The following FSHR variants were observed in gnomAD, a reference collection of about 807,000 sequenced individuals.
The protein encoded by FSHR is follicle-stimulating hormone receptor.
In FSHR, 46 loss-of-function variants were observed where a neutral mutation model predicts 52.1. The ratio of observed to expected loss-of-function variants is 0.88; its 90% CI spans 0.70 to 1.13. FSHR has a LOEUF of 1.13. Among genes scored for constraint, FSHR ranks in the 50% most tolerant of loss-of-function variants. The pLI is 0.00. For missense variants in FSHR, 964 were observed against 834.6 expected, an observed-to-expected ratio of 1.16 and a Z score of -1.91; for synonymous variants, 399 against 309.6, an observed-to-expected ratio of 1.29 and a Z score of -3.03.
At chr2:48,981,450 T>G (rs1675244627) in intron 8 of FSHR, among the ~76,000 whole-genome samples, 3 of 152,076 alleles carry the variant, frequency 2.0e-5, no homozygotes, top group Admixed American at 2.0e-4. Flanking sequence ...TTTTGGCCAT[T>G]TTTTTTAGGT....
At chr2:49,126,646 G>C (rs1156714361) in intron 1 of FSHR, among the ~76,000 whole-genome samples, 3 of 152,156 alleles carry the variant, frequency 2.0e-5, no homozygotes, top group African/African-American at 4.8e-5. Flanking sequence ...TGTTTAGTGG[G>C]ATTGGAAGGG....
intron 1 of FSHR, among the ~76,000 whole-genome samples, chr2:49,069,410 T>G (rs1430257715): frequency 1.3e-5 from 2 of 152,162 alleles, no homozygotes; most frequent in African/African-American, 4.8e-5. Context: ...TAACCATCTA[T>G]TTAAAATGAT....
intron 4 of FSHR, among the ~76,000 whole-genome samples, chr2:49,003,597 T>C (rs1258105234): frequency 6.7e-6 from 1 of 148,808 alleles, no homozygotes; most frequent in Non-Finnish European, 1.5e-5. Flanking sequence ...AAAGATAAAG[T>C]AGAAGAGATG....
At chr2:49,063,581 T>C (rs1176262352) in intron 2 of FSHR, among the ~76,000 whole-genome samples, 1 of 152,038 alleles carries the variant, frequency 6.6e-6, no homozygotes, top group Non-Finnish European at 1.5e-5. Flanking sequence ...GAAAGGGAAA[T>C]ACTGCATGTT....
chr2:49,090,124 A>AGTGTGTGT (rs35574043), intron 1 of FSHR, among the ~76,000 whole-genome samples: 3 of 148,778 alleles, frequency 2.0e-5, no homozygotes, highest in African/African-American at 7.4e-5. Flanking sequence ...AGTAAAATCG[A>AGTGTGTGT]GTGTGTGTGT....
chr2:49,108,357 A>C (rs1306319566), intron 1 of FSHR, among the ~76,000 whole-genome samples: 3 of 152,088 alleles, frequency 2.0e-5, no homozygotes, highest in Non-Finnish European at 1.5e-5. Context: ...ATCTCTTCCT[A>C]TATGTATATT....
chr2:49,020,717 C>T (rs1667662309), intron 2 of FSHR, among the ~76,000 whole-genome samples: 1 of 152,172 alleles, frequency 6.6e-6, no homozygotes. Flanking sequence ...TTCAGTGACA[C>T]TGTCCTAGAT....
intron 2 of FSHR, among the ~76,000 whole-genome samples, chr2:49,038,347 C>T (rs531994965): frequency 2.6e-5 from 4 of 152,158 alleles, no homozygotes; most frequent in South Asian, 2.1e-4. Flanking sequence ...TTTGGCTGTG[C>T]GCAGTGGCTC....
At chr2:49,051,656 G>A (rs1016926645) in intron 2 of FSHR, among the ~76,000 whole-genome samples, 2 of 151,926 alleles carry the variant, frequency 1.3e-5, no homozygotes, top group Non-Finnish European at 1.5e-5. Context: ...TTTCTTGATG[G>A]TGTCTTTTTT....
At chr2:49,017,043 A>G (rs1403514856) in intron 4 of FSHR, among the ~76,000 whole-genome samples, 2 of 152,232 alleles carry the variant, frequency 1.3e-5, no homozygotes, top group East Asian at 1.9e-4. Flanking sequence ...CTGATAAAAT[A>G]CCATGTGTGT....
intron 1 of FSHR, among the ~76,000 whole-genome samples, chr2:49,147,109 C>T (rs1181547978): frequency 6.6e-6 from 1 of 152,006 alleles, no homozygotes. Flanking sequence ...GATCAGCCAG[C>T]CTATTTCATA....
At chr2:48,978,454 A>C (rs1255828348) in intron 8 of FSHR, among the ~76,000 whole-genome samples, 1 of 152,242 alleles carries the variant, frequency 6.6e-6, no homozygotes, top group Non-Finnish European at 1.5e-5. Context: ...TATACAAATA[A>C]CTCAGTGTTT....
At chr2:48,984,941 A>C (rs1001975469) in intron 6 of FSHR, among the ~76,000 whole-genome samples, 6 of 152,198 alleles carry the variant, frequency 3.9e-5, no homozygotes, top group Admixed American at 2.0e-4. Flanking sequence ...GTATTTCTTG[A>C]TATCAGCAGT....
intron 4 of FSHR, among the ~76,000 whole-genome samples, chr2:48,994,084 G>A (rs1021157037): frequency 1.3e-5 from 2 of 152,164 alleles, no homozygotes; most frequent in African/African-American, 4.8e-5. Context: ...TGTTGGCACA[G>A]TAGTTGACGC....
At chr2:49,054,704 T>C (rs186074656) in intron 2 of FSHR, among the ~76,000 whole-genome samples, 2 of 152,274 alleles carry the variant, frequency 1.3e-5, no homozygotes, top group African/African-American at 4.8e-5. Context: ...AGCCCACCCC[T>C]AGTAAAGCCA....
chr2:49,042,965 A>G (rs936337279), intron 2 of FSHR, among the ~76,000 whole-genome samples: 1 of 152,194 alleles, frequency 6.6e-6, no homozygotes, highest in Non-Finnish European at 1.5e-5. Flanking sequence ...GAAAAAAGGA[A>G]GAATATAGCA....
intron 2 of FSHR, among the ~76,000 whole-genome samples, chr2:49,021,235 T>C (rs1459530680): frequency 6.6e-6 from 1 of 152,206 alleles, no homozygotes; most frequent in African/African-American, 2.4e-5. Context: ...TCCTCAGGTC[T>C]CAGCGTTTTT....
At chr2:49,029,433 C>T (rs1668024893) in intron 2 of FSHR, among the ~76,000 whole-genome samples, 1 of 152,200 alleles carries the variant, frequency 6.6e-6, no homozygotes, top group Non-Finnish European at 1.5e-5. Flanking sequence ...GAAATTTGAA[C>T]CCCCAGCTCT....
chr2:49,127,737 ATTTCTTCTTCTTC>A (rs1672058579), intron 1 of FSHR, among the ~76,000 whole-genome samples: 1 of 121,042 alleles, frequency 8.3e-6, no homozygotes, highest in Non-Finnish European at 1.7e-5. Flanking sequence ...TTTGTGCATG[ATTTCTTCTTCTTC>A]TTTCTTCTTC....
Sources: gnomAD v4.1 joint callset for allele counts (sites outside exome capture counted in the v4.1 genomes callset) on GRCh38, gnomAD v4.1.1 for gene constraint, MANE v1.5 for transcripts, NCBI Gene and HGNC (gene_info 2026-07-23, HGNC 2026-07-21) for gene names.